Variants in KCNIP1 observed in about 807,000 individuals in gnomAD.
KCNIP1 encodes A-type potassium channel modulatory protein KCNIP1.
A neutral mutation model predicts 33.0 loss-of-function variants in KCNIP1; 18 were observed. The ratio of observed to expected loss-of-function variants is 0.55; its 90% confidence interval spans 0.38 to 0.81. The LOEUF (loss-of-function observed/expected upper bound fraction) is 0.81, where lower values mean the gene tolerates loss of function less well. KCNIP1 is among the 30% of genes least tolerant of loss of function. The pLI, the probability that KCNIP1 is intolerant of heterozygous loss-of-function variation, is 0.00. For missense variants in KCNIP1, 238 were observed against 271.6 expected (o/e 0.88, Z 0.87); for synonymous variants, 93 against 98.3 (o/e 0.95, Z 0.32).
chr5:170,418,013 C>G (rs1755377066), intron 1 of KCNIP1, among the ~76,000 whole-genome samples: 1 of 152,206 alleles, frequency 6.6e-6, no homozygotes, highest in Non-Finnish European at 1.5e-5. Context: ...TCCATGAGCA[C>G]CACTCTTTCA....
At chr5:170,556,695 C>A (rs1316312909) in intron 1 of KCNIP1, among the ~76,000 whole-genome samples, 6 of 152,240 alleles carry the variant, frequency 3.9e-5, no homozygotes, top group Non-Finnish European at 8.8e-5. Flanking sequence ...CCGATGGTCT[C>A]CATTCAGCCC....
intron 1 of KCNIP1, among the ~76,000 whole-genome samples, chr5:170,637,135 C>T (rs544703038): frequency 1.1e-4 from 17 of 152,144 alleles, no homozygotes; most frequent in Non-Finnish European, 2.2e-4. Flanking sequence ...CGATTCCAGG[C>T]GTACCCTGCA....
At chr5:170,708,395 A>G (rs976265113) in intron 1 of KCNIP1, among the ~76,000 whole-genome samples, 2 of 152,232 alleles carry the variant, frequency 1.3e-5, no homozygotes, top group Non-Finnish European at 2.9e-5. Context: ...TAGGAATACA[A>G]TTTCAAGAGG....
chr5:170,621,285 G>A (rs568164856), intron 1 of KCNIP1, among the ~76,000 whole-genome samples: 1 of 152,280 alleles, frequency 6.6e-6, no homozygotes, highest in South Asian at 2.1e-4. Flanking sequence ...CTGTGGTTGA[G>A]ATTTTTATCA....
chr5:170,503,691 G>GCAC (rs1757466127), upstream of KCNIP1, among the ~76,000 whole-genome samples: 1 of 66,800 alleles, frequency 1.5e-5, no homozygotes, highest in Non-Finnish European at 3.1e-5. Flanking sequence ...CCACACACAG[G>GCAC]GACACACACA....
chr5:170,562,550 C>T (rs1757069029), intron 1 of KCNIP1, among the ~76,000 whole-genome samples: 1 of 152,146 alleles, frequency 6.6e-6, no homozygotes, highest in Admixed American at 6.5e-5. Flanking sequence ...GTCCAGTTCC[C>T]AAAGCTCAGT....
At chr5:170,654,316 G>A (rs1761174575) in intron 1 of KCNIP1, among the ~76,000 whole-genome samples, 1 of 152,160 alleles carries the variant, frequency 6.6e-6, no homozygotes, top group Non-Finnish European at 1.5e-5. Flanking sequence ...CAGGGCCATG[G>A]GGGATGCTCC....
At chr5:170,439,710 G>C (rs1581194086) in intron 1 of KCNIP1, among the ~76,000 whole-genome samples, 1 of 152,208 alleles carries the variant, frequency 6.6e-6, no homozygotes, top group Admixed American at 6.5e-5. Flanking sequence ...AGCAGGCCTG[G>C]CAAGTCCCTA....
chr5:170,382,113 C>T (rs540447400), intron 1 of KCNIP1, among the ~76,000 whole-genome samples: 1 of 152,288 alleles, frequency 6.6e-6, no homozygotes, highest in South Asian at 2.1e-4. Context: ...ACATCTTGGT[C>T]GTGAGTGCTT....
At chr5:170,476,591 T>G (rs1374575746) in intron 1 of KCNIP1, among the ~76,000 whole-genome samples, 1 of 152,184 alleles carries the variant, frequency 6.6e-6, no homozygotes, top group Non-Finnish European at 1.5e-5. Context: ...ATTTTGACCT[T>G]TCAGTGGTGG....
intron 1 of KCNIP1, among the ~76,000 whole-genome samples, chr5:170,428,722 C>T (rs1436395989): frequency 6.6e-6 from 1 of 152,128 alleles, no homozygotes; most frequent in Non-Finnish European, 1.5e-5. Flanking sequence ...CCTTCACCTT[C>T]CCACCCTTTA....
At position 170,727,307 on chromosome 5, in the gene KCNIP1, G is replaced by A. The variant is rs112681596; in HGVS notation, c.435+4487G>A. ...GTGGTTGCCTGGTGTCAAAGCTTGA[G>A]AGGCACTCACTGCGAAGAAGTGTGA... is the stretch of plus-strand genomic sequence containing the variant. On this transcript the variant is annotated intron_variant, in intron 5 of 7. Coordinates refer to ENST00000328939, the MANE Select transcript of KCNIP1 (RefSeq NM_014592.4). Among the ~76,000 whole-genome samples, 543 of 152,342 alleles carry A rather than the reference G, an allele frequency of 3.6e-3. 2 individuals are homozygous for A. Among genetic ancestry groups the A allele is most frequent in the African/African-American group, 0.012 (498 of 41,582 alleles).
At chr5:170,367,809 C>T (rs1205330423) in intron 1 of KCNIP1, among the ~76,000 whole-genome samples, 1 of 152,214 alleles carries the variant, frequency 6.6e-6, no homozygotes, top group Non-Finnish European at 1.5e-5. Flanking sequence ...TCCTCCACAC[C>T]ATTCCAAAGA....
chr5:170,693,690 G>A (rs1331484838), intron 1 of KCNIP1, among the ~76,000 whole-genome samples: 2 of 152,162 alleles, frequency 1.3e-5, no homozygotes, highest in African/African-American at 4.8e-5. Context: ...AACTATAAAT[G>A]CTGAAATTTT....
chr5:170,485,264 C>T (rs779899937), intron 1 of KCNIP1, among the ~76,000 whole-genome samples: 1 of 152,200 alleles, frequency 6.6e-6, no homozygotes, highest in Non-Finnish European at 1.5e-5. Context: ...CATCCCCCTA[C>T]ACAACCCTGG....
chr5:170,613,933 T>G (rs1389436489), intron 1 of KCNIP1, among the ~76,000 whole-genome samples: 1 of 152,198 alleles, frequency 6.6e-6, no homozygotes, highest in African/African-American at 2.4e-5. Flanking sequence ...AATGCATCAG[T>G]GGCTTCCAGC....
chr5:170,356,116 C>T lies in KCNIP1; in HGVS notation c.88+2152C>T, dbSNP rs142990320. Among the ~76,000 whole-genome samples, 497 of 152,310 alleles carry T rather than the reference C, an allele frequency of 3.3e-3. 3 individuals carry two copies. Among genetic ancestry groups the T allele is most frequent in the African/African-American group, 0.011 (460 of 41,568 alleles). On this transcript the variant is annotated intron_variant, in intron 1 of 7. Coordinates refer to the KCNIP1 transcript ENST00000377360. ...AAAGGCCTGCAGAGAGTCCAGAAAACGGCTTTCTAATGTTTACACCTCCCC... is the reference window on the plus strand; with the variant it reads ...AAAGGCCTGCAGAGAGTCCAGAAAATGGCTTTCTAATGTTTACACCTCCCC...
At chr5:170,370,390 T>G (rs1238296035) in intron 1 of KCNIP1, among the ~76,000 whole-genome samples, 5 of 152,148 alleles carry the variant, frequency 3.3e-5, no homozygotes, top group African/African-American at 1.2e-4. Flanking sequence ...TTCAGGAAGA[T>G]TAAATAAACT....
chr5:170,486,129 C>T (rs748953949), intron 1 of KCNIP1: 16 of 152,138 alleles, frequency 1.1e-4, no homozygotes, highest in Non-Finnish European at 1.9e-4. Context: ...TGACTAAGGT[C>T]ACACAGCTAC....
Sources: gnomAD v4.1 joint callset for allele counts (sites outside exome capture counted in the v4.1 genomes callset) on GRCh38, gnomAD v4.1.1 for gene constraint, MANE v1.5 for transcripts, NCBI Gene and HGNC (gene_info 2026-07-23, HGNC 2026-07-21) for gene names.